THADA: variants seen among roughly 807,000 people sequenced by gnomAD.
The protein encoded by THADA is THADA armadillo repeat containing, also known as tRNA (32-2'-O)-methyltransferase regulator THADA.
THADA carries 213 observed loss-of-function variants against 219.8 expected under a neutral mutation model. That is an observed-to-expected ratio of 0.97 (90% CI 0.87 to 1.09). The LOEUF (loss-of-function observed/expected upper bound fraction) is 1.09, where lower values mean the gene tolerates loss of function less well. THADA is among the 50% of genes least tolerant of loss of function. THADA has a pLI of 0.00. For missense variants in THADA, 2,956 were observed against 2,311.3 expected, an observed-to-expected ratio of 1.28 and a Z score of -5.72; for synonymous variants, 1,018 against 828.9, an observed-to-expected ratio of 1.23 and a Z score of -3.92.
chr2:43,592,514 T>C lies in THADA; in HGVS notation c.-24-98A>G, dbSNP rs144823702. ...CATTCTTTGTTGAACAGTATCATCC[T>C]ATGCATTATGTTTCATGCATCCCCA... On this transcript the variant is annotated intron_variant, in intron 1 of 37. Coordinates refer to ENST00000405975, the MANE Select transcript of THADA (RefSeq NM_022065.5). 1,063 of 651,614 alleles carry C rather than the reference T, an allele frequency of 1.6e-3. 3 individuals carry two copies. In the African/African-American group the frequency reaches 0.016, roughly 10 times the overall value. The allele number at this position is 651,614 out of a possible 1,614,324, so 40.4% of individuals were successfully genotyped here. A position where few individuals can be genotyped will look rare whatever the true frequency, so the allele number is the denominator to read the frequency against.
At chr2:43,244,341 G>C (rs1668915002) in intron 36 of THADA, among the ~76,000 whole-genome samples, 1 of 152,204 alleles carries the variant, frequency 6.6e-6, no homozygotes, top group Admixed American at 6.5e-5. Flanking sequence ...AATAAGGAAT[G>C]GATTCAAACA....
At chr2:43,431,359 C>G (rs1679249072) in intron 26 of THADA, among the ~76,000 whole-genome samples, 1 of 152,166 alleles carries the variant, frequency 6.6e-6, no homozygotes, top group Non-Finnish European at 1.5e-5. Flanking sequence ...CCCCCATGCC[C>G]CTTCCCAGCA....
intron 28 of THADA, among the ~76,000 whole-genome samples, chr2:43,427,471 G>T (rs929736345): frequency 1.3e-5 from 2 of 148,772 alleles, no homozygotes; most frequent in African/African-American, 5.0e-5. Flanking sequence ...GGAAAACCCA[G>T]GCCTCTGCTT....
chr2:43,380,165 G>T (rs1005363400), intron 29 of THADA, among the ~76,000 whole-genome samples: 2 of 152,168 alleles, frequency 1.3e-5, no homozygotes, highest in Non-Finnish European at 2.9e-5. Context: ...AAAGTTTAAT[G>T]TACGCAAATG....
rs556491765 is a variant in THADA at position 43,311,923 on chromosome 2, T to A, written c.4438+8523A>T. ...ACACTGAAACCACAGATGTGGCCGGTCATGGTGGCTCATGCCTGTAATCCC... is the reference window on the plus strand; with the variant it reads ...ACACTGAAACCACAGATGTGGCCGGACATGGTGGCTCATGCCTGTAATCCC... On this transcript the variant is annotated intron_variant, in intron 31 of 37. Transcript: ENST00000405975. Among the ~76,000 whole-genome samples, 19 of 152,150 alleles carry A rather than the reference T, an allele frequency of 1.2e-4. No individual in the cohort carries two copies. In the South Asian group the frequency reaches 3.7e-3, roughly 30 times the overall value.
chr2:43,449,503 A>G (rs994726218), intron 26 of THADA, among the ~76,000 whole-genome samples: 1 of 152,218 alleles, frequency 6.6e-6, no homozygotes, highest in Non-Finnish European at 1.5e-5. Flanking sequence ...ACTAAAAAAG[A>G]CCCACACACA....
At chr2:43,514,668 T>C (rs1691012149) in intron 22 of THADA, among the ~76,000 whole-genome samples, 1 of 83,404 alleles carries the variant, frequency 1.2e-5, no homozygotes, top group Non-Finnish European at 2.1e-5. Flanking sequence ...TATATAATAA[T>C]ATATAATATA....
intron 26 of THADA, among the ~76,000 whole-genome samples, chr2:43,459,377 A>AGACGG (rs1683371665): frequency 6.6e-6 from 1 of 151,480 alleles, no homozygotes; most frequent in African/African-American, 2.4e-5. Flanking sequence ...GTGCTTTTAT[A>AGACGG]AGTGTTTACA....
chr2:43,259,473 G>T (rs1670697639), intron 36 of THADA, among the ~76,000 whole-genome samples: 1 of 152,196 alleles, frequency 6.6e-6, no homozygotes. Context: ...TCCTTGCCAG[G>T]CCCCTGTAGG....
chr2:43,235,221 T>G (rs1667897051), intron 36 of THADA, among the ~76,000 whole-genome samples: 2 of 149,700 alleles, frequency 1.3e-5, no homozygotes, highest in African/African-American at 5.0e-5. Context: ...CTCAAGTGAT[T>G]CACCCGCCTC....
chr2:43,291,807 C>T (rs1490499327), intron 33 of THADA, 39 bp from the exon 34 acceptor site: 3 of 1,505,682 alleles, frequency 2.0e-6, no homozygotes, highest in Admixed American at 2.1e-5. Flanking sequence ...CACAAAATTA[C>T]AATCAGACAT....
intron 29 of THADA, among the ~76,000 whole-genome samples, chr2:43,381,426 C>A (rs1253473470): frequency 1.3e-5 from 2 of 152,148 alleles, no homozygotes; most frequent in Non-Finnish European, 2.9e-5. Context: ...CAACTTCCTT[C>A]TCCCAAGCCC....
chr2:43,312,208 CAAAA>C (rs35043804), intron 31 of THADA, among the ~76,000 whole-genome samples: 1 of 117,868 alleles, frequency 8.5e-6, no homozygotes. Context: ...GACAAAGCTG[CAAAA>C]AAAAAAAAAA....
intron 19 of THADA, among the ~76,000 whole-genome samples, chr2:43,551,533 A>AT (rs1696738673): frequency 6.6e-6 from 1 of 150,966 alleles, no homozygotes; most frequent in African/African-American, 2.4e-5. Flanking sequence ...ATACAGTATT[A>AT]TATAACTCAA....
At chr2:43,272,561 A>G (rs1206715856) in intron 36 of THADA, among the ~76,000 whole-genome samples, 1 of 151,880 alleles carries the variant, frequency 6.6e-6, no homozygotes, top group Non-Finnish European at 1.5e-5. Flanking sequence ...AAAAATCTAT[A>G]GACTATCTTA....
intron 28 of THADA, among the ~76,000 whole-genome samples, chr2:43,400,112 T>A (rs1220180680): frequency 1.3e-5 from 2 of 152,180 alleles, no homozygotes; most frequent in Non-Finnish European, 2.9e-5. Flanking sequence ...ATGTTTAGTT[T>A]CCAATTAGCA....
intron 21 of THADA, among the ~76,000 whole-genome samples, chr2:43,537,153 C>T (rs577761841): frequency 3.3e-5 from 5 of 152,352 alleles, no homozygotes; most frequent in African/African-American, 9.6e-5. Context: ...AGCTCAAACA[C>T]TGTTCTCCTA....
At chr2:43,266,220 C>A (rs556120628) in intron 36 of THADA, among the ~76,000 whole-genome samples, 1 of 152,098 alleles carries the variant, frequency 6.6e-6, no homozygotes, top group African/African-American at 2.4e-5. Flanking sequence ...ATCTCAAACC[C>A]CATGTCCACT....
At chr2:43,556,638 C>T (rs1234164082) in intron 16 of THADA, 83 bp from the exon 17 acceptor site, 1 of 1,346,394 alleles carries the variant, frequency 7.4e-7, no homozygotes. Context: ...AAAACACAGC[C>T]TGGAGCTGAG....
Sources: allele counts gnomAD v4.1 joint callset (sites outside exome capture counted in the v4.1 genomes callset), GRCh38; gene constraint gnomAD v4.1.1; transcripts MANE v1.5; gene names NCBI Gene and HGNC (gene_info 2026-07-23, HGNC 2026-07-21).